The following HCN1 variants were observed in gnomAD, a reference collection of about 807,000 sequenced individuals.
HCN1 encodes the protein hyperpolarization activated cyclic nucleotide gated potassium channel 1.
In HCN1, 13 loss-of-function variants were observed where a neutral mutation model predicts 78.9. That is an observed-to-expected ratio of 0.16 (90% CI 0.11 to 0.26). The LOEUF (loss-of-function observed/expected upper bound fraction) is 0.26. HCN1 is among the 10% of genes least tolerant of loss of function. The pLI is 1.00. For missense variants in HCN1, 810 were observed against 1,154.3 expected (o/e 0.70, Z 4.32); for synonymous variants, 552 against 455.5 (o/e 1.21, Z -2.70).
rs565210276 is a variant in HCN1 at position 45,359,164 on chromosome 5, T to C, written c.1231-5918A>G. Among the ~76,000 whole-genome samples the C allele has an allele frequency of 7.4e-4, 112 of 152,232 alleles. 1 individual carries two copies. Among genetic ancestry groups the C allele is most frequent in the Non-Finnish European group, 1.1e-3 (72 of 67,996 alleles). On this transcript the variant is annotated intron_variant, in intron 4 of 7. Coordinates refer to ENST00000303230, the MANE Select transcript of HCN1 (RefSeq NM_021072.4). ...GTTAATCTATTACCAGTTTGTGTTA[T>C]AGAGTCAGATTACAGGTCTTCAGGA... is the stretch of plus-strand genomic sequence containing the variant.
intron 2 of HCN1, among the ~76,000 whole-genome samples, chr5:45,526,482 C>T (rs1742737867): frequency 6.6e-6 from 1 of 152,068 alleles, no homozygotes; most frequent in Non-Finnish European, 1.5e-5. Flanking sequence ...GCACTCTCTA[C>T]CTTTCTCTTA....
chr5:45,543,180 A>G (rs899764548), intron 2 of HCN1, among the ~76,000 whole-genome samples: 4 of 152,150 alleles, frequency 2.6e-5, no homozygotes, highest in Non-Finnish European at 5.9e-5. Flanking sequence ...GCTTCAATGA[A>G]TTTGGTAAAT....
intron 2 of HCN1, among the ~76,000 whole-genome samples, chr5:45,513,112 C>A (rs1742448214): frequency 1.3e-5 from 2 of 151,970 alleles, no homozygotes; most frequent in Admixed American, 6.6e-5. Context: ...CACATATGCA[C>A]AATACACATA....
chr5:45,686,884 C>T (rs1328958144), intron 1 of HCN1, among the ~76,000 whole-genome samples: 1 of 152,134 alleles, frequency 6.6e-6, no homozygotes, highest in African/African-American at 2.4e-5. Context: ...TCAGGTTTCT[C>T]TGTGTTAGAG....
intron 2 of HCN1, among the ~76,000 whole-genome samples, chr5:45,625,145 A>C (rs1054122811): frequency 6.6e-6 from 1 of 152,064 alleles, no homozygotes; most frequent in African/African-American, 2.4e-5. Context: ...TCTACTAAAA[A>C]TACAAAAATT....
At position 45,303,848 on chromosome 5, in the gene HCN1, G is replaced by A. The variant is rs1442110194; in HGVS notation, c.1378-9C>T. On this transcript the variant is annotated splice_polypyrimidine_tract_variant and intron_variant, in intron 5 of 7. Transcript: ENST00000303230. ...TTGAAGTTGACTATCTCCTAAAGAT[G>A]TCAAGAGTAAACAAATATTAAGAGA... The A allele has an allele frequency of 2.5e-6, 4 of 1,610,514 alleles. No homozygotes were observed. The South Asian group carries it at 3.3e-5, about 13-fold the overall frequency.
intron 1 of HCN1, among the ~76,000 whole-genome samples, chr5:45,666,374 T>C (rs1746048728): frequency 6.6e-6 from 1 of 152,046 alleles, no homozygotes. Context: ...ACAAAAACAT[T>C]TGTTTGGGCA....
chr5:45,292,820 C>A (rs992223673), intron 6 of HCN1, among the ~76,000 whole-genome samples: 1 of 151,936 alleles, frequency 6.6e-6, no homozygotes, highest in Non-Finnish European at 1.5e-5. Context: ...CATTCTTCTA[C>A]CCATCTACTC....
intron 2 of HCN1, chr5:45,558,636 A>C (rs1743524683): frequency 6.6e-6 from 1 of 152,146 alleles, no homozygotes; most frequent in Non-Finnish European, 1.5e-5. Flanking sequence ...TGGTGAACCT[A>C]AATTTAAGCA....
intron 6 of HCN1, among the ~76,000 whole-genome samples, chr5:45,290,606 ATTAG>A (rs1222370407): frequency 2.6e-5 from 4 of 152,068 alleles, no homozygotes; most frequent in Admixed American, 1.3e-4. Context: ...AAAGTTTGGG[ATTAG>A]TTAATTTAAT....
At chr5:45,514,556 T>C (rs1000178837) in intron 2 of HCN1, among the ~76,000 whole-genome samples, 1 of 152,150 alleles carries the variant, frequency 6.6e-6, no homozygotes, top group African/African-American at 2.4e-5. Context: ...TAATTTTACA[T>C]TTATTTCTAC....
intron 4 of HCN1, among the ~76,000 whole-genome samples, chr5:45,374,068 A>G (rs1747522322): frequency 1.9e-5 from 2 of 105,060 alleles, no homozygotes; most frequent in African/African-American, 3.8e-5. Flanking sequence ...TATATATAAT[A>G]TATATAATAT....
chr5:45,517,103 CT>C (rs1346601629), intron 2 of HCN1, among the ~76,000 whole-genome samples: 1 of 151,832 alleles, frequency 6.6e-6, no homozygotes, highest in Non-Finnish European at 1.5e-5. Flanking sequence ...ATTCTGAAGG[CT>C]TTGATTTCAT....
At chr5:45,395,037 A>G in intron 4 of HCN1, among the ~76,000 whole-genome samples, 1 of 152,192 alleles carries the variant, frequency 6.6e-6, no homozygotes, top group East Asian at 1.9e-4. Context: ...TGGCTAATAC[A>G]GGAAATTTAA....
chr5:45,290,449 A>C (rs1745348029), intron 6 of HCN1, among the ~76,000 whole-genome samples: 1 of 152,034 alleles, frequency 6.6e-6, no homozygotes, highest in Non-Finnish European at 1.5e-5. Context: ...GTCCTTAAAA[A>C]GTACTAAGTA....
At chr5:45,660,070 T>A (rs1241635024) in intron 1 of HCN1, among the ~76,000 whole-genome samples, 1 of 118,900 alleles carries the variant, frequency 8.4e-6, no homozygotes, top group South Asian at 2.8e-4. Flanking sequence ...CGGGTTACCC[T>A]CAAAGGAAAG....
chr5:45,536,656 A>T (rs2111815789), intron 2 of HCN1, among the ~76,000 whole-genome samples: 1 of 152,292 alleles, frequency 6.6e-6, no homozygotes. Context: ...CATTTTAATT[A>T]TGTCATTGTC....
At chr5:45,395,888 C>T (rs372081260) in intron 4 of HCN1, among the ~76,000 whole-genome samples, 1 of 152,062 alleles carries the variant, frequency 6.6e-6, no homozygotes, top group South Asian at 2.1e-4. Flanking sequence ...CCTATATTTA[C>T]TTTTTCTCTC....
rs143328647 is a variant in HCN1, at chr5:45,303,141, G to A, written c.1618+458C>T. On this transcript the variant is annotated intron_variant, in intron 6 of 7. Coordinates refer to ENST00000303230, the MANE Select transcript of HCN1 (RefSeq NM_021072.4). Reference sequence around the variant, plus strand: ...AATTCTGGGCAATCATATGTGAATAGCAATGATTTTTGCAATTTCTGGGCA... The same window carrying A: ...AATTCTGGGCAATCATATGTGAATAACAATGATTTTTGCAATTTCTGGGCA... Among the ~76,000 whole-genome samples the A allele has an allele frequency of 3.4e-3, 517 of 152,208 alleles. 4 individuals carry two copies. The highest frequency in any genetic ancestry group is 4.9e-3 in the Non-Finnish European group (333 of 68,000).
Sources: gnomAD v4.1 joint callset for allele counts (sites outside exome capture counted in the v4.1 genomes callset) on GRCh38, gnomAD v4.1.1 for gene constraint, MANE v1.5 for transcripts, NCBI Gene and HGNC (gene_info 2026-07-23, HGNC 2026-07-21) for gene names.